The following STAT5B variants were observed in gnomAD, a reference collection of about 807,000 sequenced individuals.
The protein encoded by STAT5B is signal transducer and activator of transcription 5B, also known as transcription factor STAT5B.
STAT5B carries 21 observed loss-of-function variants against 107.8 expected under a neutral mutation model. That is an observed-to-expected ratio of 0.19 (90% CI 0.14 to 0.28). STAT5B has a LOEUF of 0.28. Ranked by LOEUF, STAT5B falls within the 10% of genes least tolerant of loss-of-function variation. The pLI is 1.00. For synonymous variants in STAT5B, 325 were observed against 401.7 expected (o/e 0.81, Z 2.28); for missense variants, 565 against 1,008.2 (o/e 0.56, Z 5.95).
At chr17:42,245,095 T>TTG (rs2080440009) in intron 1 of STAT5B, among the ~76,000 whole-genome samples, 1 of 146,136 alleles carries the variant, frequency 6.8e-6, no homozygotes, top group East Asian at 2.0e-4. Context: ...TTTTTTTTTT[T>TTG]GAGATGGAGT....
intron 1 of STAT5B, among the ~76,000 whole-genome samples, chr17:42,262,728 T>G (rs2080609903): frequency 7.1e-6 from 1 of 141,424 alleles, no homozygotes; most frequent in South Asian, 2.2e-4. Flanking sequence ...ATGAAATGAA[T>G]AACTTAGCAG....
At chr17:42,246,357 A>G (rs1284440428) in intron 1 of STAT5B, among the ~76,000 whole-genome samples, 1 of 152,208 alleles carries the variant, frequency 6.6e-6, no homozygotes, top group African/African-American at 2.4e-5. Flanking sequence ...TTTAATTTTA[A>G]GTAGAACATT....
intron 1 of STAT5B, among the ~76,000 whole-genome samples, chr17:42,268,922 T>C (rs990808891): frequency 8.5e-5 from 13 of 152,226 alleles, no homozygotes; most frequent in African/African-American, 3.1e-4. Context: ...CAATTTTTAG[T>C]ACTTTAAGAG....
chr17:42,216,210 T>G (rs2080170765), intron 11 of STAT5B, 104 bp from the exon 12 acceptor site: 1 of 997,224 alleles, frequency 1.0e-6, no homozygotes, highest in Non-Finnish European at 1.5e-6. Flanking sequence ...TTTCCAAGTT[T>G]CAGTTAATGT....
chr17:42,205,122 G>A (rs191279251), intron 16 of STAT5B, among the ~76,000 whole-genome samples: 2 of 152,142 alleles, frequency 1.3e-5, no homozygotes, highest in Admixed American at 1.3e-4. Flanking sequence ...CCGCCTCCCG[G>A]GTTCAAGTGA....
chr17:42,216,159 TTC>T (rs111976006), intron 11 of STAT5B, 53 bp from the exon 12 acceptor site: 1 of 1,466,298 alleles, frequency 6.8e-7, no homozygotes, highest in Admixed American at 2.2e-5. Flanking sequence ...GTTCTTCTCC[TTC>T]TCTCTTTTTT....
At chr17:42,239,709 T>C (rs1176097459) in intron 1 of STAT5B, among the ~76,000 whole-genome samples, 4 of 152,196 alleles carry the variant, frequency 2.6e-5, no homozygotes, top group Non-Finnish European at 5.9e-5. Context: ...TGTAACATGG[T>C]GAAACAGTTT....
chr17:42,285,375 A>C, the STAT5B span, among the ~76,000 whole-genome samples: 1 of 152,220 alleles, frequency 6.6e-6, no homozygotes, highest in Non-Finnish European at 1.5e-5. Context: ...TACAGGCGTG[A>C]GCCACTGCAC....
upstream of STAT5B, among the ~76,000 whole-genome samples, chr17:42,279,663 C>G (rs1247609399): frequency 9.2e-5 from 14 of 152,072 alleles, no homozygotes; most frequent in Admixed American, 9.2e-4. Flanking sequence ...GGTGCCATTA[C>G]AGGATTACAT....
chr17:42,246,891 A>C (rs1307116869), intron 1 of STAT5B, among the ~76,000 whole-genome samples: 1 of 152,232 alleles, frequency 6.6e-6, no homozygotes, highest in Admixed American at 6.5e-5. Context: ...AGGTGTCTAG[A>C]AAGCTATCAT....
intron 1 of STAT5B, among the ~76,000 whole-genome samples, chr17:42,257,383 GGGAT>G (rs1360419838): frequency 6.6e-6 from 1 of 151,990 alleles, no homozygotes; most frequent in African/African-American, 2.4e-5. Flanking sequence ...ATCAAACAGG[GGGAT>G]TACTGGCTTT....
At chr17:42,213,914 G>A (rs1409968217) in intron 12 of STAT5B, among the ~76,000 whole-genome samples, 1 of 151,224 alleles carries the variant, frequency 6.6e-6, no homozygotes, top group Admixed American at 6.6e-5. Context: ...GGCCGAGGTG[G>A]GTGGATCACT....
At chr17:42,221,261 C>T (rs1214803705) in intron 5 of STAT5B, among the ~76,000 whole-genome samples, 1 of 152,190 alleles carries the variant, frequency 6.6e-6, no homozygotes, top group African/African-American at 2.4e-5. Flanking sequence ...GGAATCCTGC[C>T]CAGCCACAGG....
chr17:42,240,813 T>C (rs996651163), intron 1 of STAT5B, among the ~76,000 whole-genome samples: 10 of 152,214 alleles, frequency 6.6e-5, no homozygotes, highest in African/African-American at 9.7e-5. Flanking sequence ...TGTACTTTTC[T>C]GCCTGTTTGT....
At chr17:42,228,189 C>T (rs2080289809) in intron 2 of STAT5B, among the ~76,000 whole-genome samples, 1 of 152,118 alleles carries the variant, frequency 6.6e-6, no homozygotes, top group Non-Finnish European at 1.5e-5. Flanking sequence ...TTCTAAGAAG[C>T]CCTGGAAATG....
At chr17:42,282,043 G>C in the STAT5B span, among the ~76,000 whole-genome samples, 56 of 152,280 alleles carry the variant, frequency 3.7e-4, no homozygotes, top group Non-Finnish European at 7.1e-4. Context: ...GGCAGCAGGG[G>C]GAGAGTCTTC....
At chr17:42,265,133 G>A (rs1331351718) in intron 1 of STAT5B, among the ~76,000 whole-genome samples, 2 of 145,884 alleles carry the variant, frequency 1.4e-5, no homozygotes, top group Admixed American at 6.9e-5. Context: ...AGTAGGTTGC[G>A]AAAATTTTCT....
rs1038798652 is a variant in STAT5B at position 42,199,410 on chromosome 17, A to G, written c.*2328T>C. ...TTATAAAAAGTATACTTTCATTTTA[A>G]GTTATATTCGATTTTAGTCTCCCCC... is the stretch of plus-strand genomic sequence containing the variant. On this transcript the variant is annotated 3_prime_UTR_variant, in exon 19 of 19. Coordinates refer to ENST00000293328, the MANE Select transcript of STAT5B (RefSeq NM_012448.4). 6 of 152,302 alleles carry G rather than the reference A, an allele frequency of 3.9e-5. No homozygotes were observed. The highest frequency in any genetic ancestry group is 8.8e-5 in the Non-Finnish European group (6 of 68,030). 9.4% of individuals were successfully genotyped at this position (152,302 alleles called of 1,614,324 possible).
intron 5 of STAT5B, among the ~76,000 whole-genome samples, chr17:42,220,259 C>A (rs1013846978): frequency 7.9e-5 from 12 of 152,230 alleles, no homozygotes; most frequent in African/African-American, 2.4e-4. Flanking sequence ...GGCTTCCCCA[C>A]GTGTAAAACG....
Sources: allele counts gnomAD v4.1 joint callset (sites outside exome capture counted in the v4.1 genomes callset), GRCh38; gene constraint gnomAD v4.1.1; transcripts MANE v1.5; gene names NCBI Gene and HGNC (gene_info 2026-07-23, HGNC 2026-07-21).